Variants in LRP1B observed in about 807,000 individuals in gnomAD.
The protein encoded by LRP1B is low-density lipoprotein receptor-related protein 1B.
LRP1B carries 217 observed loss-of-function variants against 556.6 expected under a neutral mutation model. That is an observed-to-expected ratio of 0.39 (90% CI 0.35 to 0.44). The LOEUF (loss-of-function observed/expected upper bound fraction) is 0.44. Ranked by LOEUF, LRP1B falls within the 20% of genes least tolerant of loss-of-function variation. The pLI is 1.00. For synonymous variants in LRP1B, 2,047 were observed against 1,865.8 expected (o/e 1.10, Z -2.50); for missense variants, 5,053 against 5,620.8 (o/e 0.90, Z 3.23).
chr2:141,830,682 A>G (rs1240642197), intron 1 of LRP1B, among the ~76,000 whole-genome samples: 1 of 151,870 alleles, frequency 6.6e-6, no homozygotes, highest in Non-Finnish European at 1.5e-5. Flanking sequence ...ATTAGTTTAA[A>G]TAAGGAAAAA....
intron 2 of LRP1B, among the ~76,000 whole-genome samples, chr2:141,776,436 G>A (rs1456911158): frequency 6.6e-6 from 1 of 152,160 alleles, no homozygotes; most frequent in East Asian, 1.9e-4. Flanking sequence ...ACATCACGCA[G>A]AGCTTATATT....
At chr2:140,405,881 A>G (rs1684710759) in intron 66 of LRP1B, among the ~76,000 whole-genome samples, 1 of 152,154 alleles carries the variant, frequency 6.6e-6, no homozygotes, top group Admixed American at 6.5e-5. Context: ...AAACCAGGAA[A>G]GGACATAAAA....
At chr2:141,734,670 T>A (rs1352518875) in intron 2 of LRP1B, among the ~76,000 whole-genome samples, 1 of 152,164 alleles carries the variant, frequency 6.6e-6, no homozygotes, top group Admixed American at 6.6e-5. Flanking sequence ...AAATAATTTT[T>A]AAGGGCCTCT....
At chr2:141,453,727 G>A (rs1480984753) in intron 3 of LRP1B, among the ~76,000 whole-genome samples, 1 of 152,020 alleles carries the variant, frequency 6.6e-6, no homozygotes, top group Admixed American at 6.6e-5. Context: ...AGACCAGCCT[G>A]GCCAAAATGA....
intron 35 of LRP1B, among the ~76,000 whole-genome samples, chr2:140,760,973 T>A (rs1559102408): frequency 1.3e-5 from 2 of 152,200 alleles, no homozygotes; most frequent in Non-Finnish European, 2.9e-5. Context: ...GTGGAATCTT[T>A]CCTTACTCAA....
chr2:141,518,096 G>A (rs545119222), intron 2 of LRP1B, among the ~76,000 whole-genome samples: 1 of 144,434 alleles, frequency 6.9e-6, no homozygotes, highest in Non-Finnish European at 1.5e-5. Flanking sequence ...AGATAATGTA[G>A]GTTAAAAATT....
At chr2:140,411,428 C>T (rs1391101294) in intron 66 of LRP1B, among the ~76,000 whole-genome samples, 1 of 151,960 alleles carries the variant, frequency 6.6e-6, no homozygotes, top group Non-Finnish European at 1.5e-5. Context: ...TATATATACT[C>T]CATTGGTATT....
chr2:140,787,675 A>G (rs1040236167), intron 32 of LRP1B, among the ~76,000 whole-genome samples: 18 of 145,952 alleles, frequency 1.2e-4, no homozygotes, highest in African/African-American at 4.6e-4. Context: ...AGATCAGGCA[A>G]TCCTCCTAGC....
intron 78 of LRP1B, among the ~76,000 whole-genome samples, 181 bp downstream of exon 78, chr2:140,335,434 T>G (rs1287978764): frequency 6.6e-6 from 1 of 151,946 alleles, no homozygotes; most frequent in East Asian, 1.9e-4. Flanking sequence ...AAAAAAAATT[T>G]GTATCATCAT....
At position 140,989,623 on chromosome 2, in the gene LRP1B, G is replaced by A. The variant is rs151182515; in HGVS notation, c.2679C>T (p.Cys893=). The change falls in exon 17 of 91, where the codon TGC becomes TGT. Residue 893 remains cysteine (C), a synonymous_variant. Coordinates refer to ENST00000389484, the MANE Select transcript of LRP1B (RefSeq NM_018557.3). ...TCTTGGGGATGCAGCGATTATTCTG[G>A]CATTTAAACTGATCATCAGGACAGC... is the stretch of plus-strand genomic sequence containing the variant. ...NHSCPDDQFK[C]QNNRCIPKRW... is the part of the protein sequence containing the mutation. 8 of 1,613,102 alleles carry A rather than the reference G, an allele frequency of 5.0e-6. No individual in the cohort carries two copies. In the East Asian group the frequency reaches 1.3e-4, roughly 27 times the overall value.
intron 2 of LRP1B, among the ~76,000 whole-genome samples, chr2:141,625,766 G>C (rs1314112931): frequency 6.6e-6 from 1 of 152,022 alleles, no homozygotes; most frequent in Non-Finnish European, 1.5e-5. Flanking sequence ...AAATCACCTA[G>C]GATTTTTATT....
Position 140,682,672 on chromosome 2 carries a change from T to TTGTGTGTG in LRP1B, c.6799+17577_6799+17578insCACACACA, listed in dbSNP as rs1278530673. 7.5e-5 allele frequency among the ~76,000 whole-genome samples: 4 copies of TTGTGTGTG among 53,636 alleles called. No homozygotes were observed. In the Admixed American group the frequency reaches 8.2e-4, roughly 11 times the overall value. The allele number at this position is 53,636 out of a possible 152,430, so 35.2% of individuals were successfully genotyped here. Reference sequence around the variant, plus strand: ...CACACTTTTCTCTAGCTTGAGAGTATTGCGTGTGTGTGTGTGTGTGTGTGT... The same window carrying TTGTGTGTG: ...CACACTTTTCTCTAGCTTGAGAGTATTGTGTGTGTGCGTGTGTGTGTGTGTGTGTGTGT... On this transcript the variant is annotated intron_variant, in intron 41 of 90. Transcript: ENST00000389484.
chr2:140,495,095 A>G (rs1404572345), intron 56 of LRP1B, among the ~76,000 whole-genome samples: 1 of 152,168 alleles, frequency 6.6e-6, no homozygotes, highest in Non-Finnish European at 1.5e-5. Context: ...TTGCTGAATC[A>G]CTGGAAGAAT....
At chr2:140,457,749 C>A in intron 60 of LRP1B, 98 bp from the exon 61 acceptor site, 1 of 952,040 alleles carries the variant, frequency 1.1e-6, no homozygotes, top group Non-Finnish European at 1.6e-6. Flanking sequence ...TGCTACATAA[C>A]TTCGTGTGAA....
intron 3 of LRP1B, among the ~76,000 whole-genome samples, chr2:141,330,214 C>A (rs1341434406): frequency 6.6e-6 from 1 of 152,234 alleles, no homozygotes; most frequent in African/African-American, 2.4e-5. Flanking sequence ...CTGATGTAAT[C>A]AAATCAAATA....
intron 2 of LRP1B, among the ~76,000 whole-genome samples, chr2:141,534,224 T>C (rs774257165): frequency 1.3e-5 from 2 of 152,156 alleles, no homozygotes; most frequent in Non-Finnish European, 2.9e-5. Context: ...AGTGTTCAGA[T>C]GAGGACTGAC....
In LRP1B at chr2:141,631,675, C is replaced by T. The variant is rs534153616; in HGVS notation, c.206-151142G>A. Among the ~76,000 whole-genome samples, 9 of 152,084 alleles carry T rather than the reference C, an allele frequency of 5.9e-5. No homozygotes were observed. The East Asian group carries it at 1.5e-3, about 26-fold the overall frequency. On this transcript the variant is annotated intron_variant, in intron 2 of 90. Transcript: ENST00000389484. ...GAAAGTTACTTTGTAAGGACCAATC[C>T]GTGTTTTTGTTCCTTGTTTCTGCTT...
chr2:140,386,669 T>A (rs976066781), intron 66 of LRP1B, among the ~76,000 whole-genome samples: 2 of 152,204 alleles, frequency 1.3e-5, no homozygotes, highest in Non-Finnish European at 2.9e-5. Context: ...ATAAAAACTT[T>A]TGGAAATTTA....
intron 41 of LRP1B, among the ~76,000 whole-genome samples, chr2:140,623,409 T>TC (rs1683527155): frequency 6.6e-6 from 1 of 151,976 alleles, no homozygotes; most frequent in African/African-American, 2.4e-5. Context: ...TATAATTTTT[T>TC]CTCCTTATCT....
Sources: gnomAD v4.1 joint callset for allele counts (sites outside exome capture counted in the v4.1 genomes callset) on GRCh38, gnomAD v4.1.1 for gene constraint, MANE v1.5 for transcripts, NCBI Gene and HGNC (gene_info 2026-07-23, HGNC 2026-07-21) for gene names.